The following CSF3R variants were observed in gnomAD, a reference collection of about 807,000 sequenced individuals.
CSF3R encodes colony stimulating factor 3 receptor.
In CSF3R, 52 loss-of-function variants were observed where a neutral mutation model predicts 84.4. That is an observed-to-expected ratio of 0.62 (90% confidence interval 0.49 to 0.78). The LOEUF is 0.78. Ranked by LOEUF, CSF3R falls within the 30% of genes least tolerant of loss-of-function variation. The pLI is 0.00. For synonymous variants in CSF3R, 384 were observed against 429.1 expected (o/e 0.89, Z 1.30); for missense variants, 890 against 1,055.7 (o/e 0.84, Z 2.17).
Position 36,466,284 on chromosome 1 carries a change from A to G in CSF3R, c.*73T>C, listed in dbSNP as rs1390575972. The stretch of plus-strand genomic sequence containing the variant: ...TGGGGTAGTTTTTAGTCATGGGCTT[A>G]TGGACCCTCCCCTCTTCTCCAGCTA... On this transcript the variant is annotated 3_prime_UTR_variant, in exon 17 of 17. Transcript: ENST00000373106. The surrounding 1 kb of genome is among the most constrained non-coding windows in gnomAD (Gnocchi z 4.6). 6.2e-7 allele frequency: 1 copy of G among 1,611,750 alleles called. No individual in the cohort carries two copies. The highest frequency in any genetic ancestry group is 1.3e-5 in the African/African-American group (1 of 74,846).
chr1:36,471,984 G>C, intron 9 of CSF3R, 82 bp downstream of exon 9: 1 of 1,382,568 alleles, frequency 7.2e-7, no homozygotes, highest in Non-Finnish European at 1.0e-6. Flanking sequence ...AGACCTGTTG[G>C]AGTCCTAAGC....
chr1:36,466,086 A>G lies in CSF3R; in HGVS notation c.*271T>C. ...TAAACAACAACAAAAACTGCAAACC[A>G]AAAACTAGTTTACAATACTGAAGTT... On this transcript the variant is annotated 3_prime_UTR_variant, in exon 17 of 17. Transcript: ENST00000373106. The surrounding 1 kb of genome is among the most constrained non-coding windows in gnomAD (Gnocchi z 4.6). The G allele has an allele frequency of 1.2e-6, 2 of 1,614,108 alleles. No homozygotes were observed. Among genetic ancestry groups the G allele is most frequent in the Non-Finnish European group, 8.5e-7 (1 of 1,179,994 alleles).
intron 3 of CSF3R, 101 bp from the exon 4 acceptor site, chr1:36,475,774 T>C: frequency 8.5e-7 from 1 of 1,179,006 alleles, no homozygotes; most frequent in Non-Finnish European, 1.2e-6. Flanking sequence ...CTCACCTTCC[T>C]GTCTCACCCT....
In CSF3R at chr1:36,468,245, G is replaced by A. The variant is rs1358677856; in HGVS notation, c.1577-24C>T. 3 of 1,555,562 alleles carry A rather than the reference G, an allele frequency of 1.9e-6. No individual in the cohort carries two copies. In the African/African-American group the frequency reaches 4.1e-5, roughly 21 times the overall value. Reference sequence around the variant, plus strand: ...AGCTATGGGAAGAGAGAGGTGCGGGGGCTGAAGGGAGTGGGGCAGAGCAAG... The same window carrying A: ...AGCTATGGGAAGAGAGAGGTGCGGGAGCTGAAGGGAGTGGGGCAGAGCAAG... On this transcript the variant is annotated intron_variant, in intron 12 of 16. Transcript: ENST00000373106.
rs866282740 is a variant in CSF3R at position 36,467,989 on chromosome 1, G to A, written c.1724-27C>T. 6.2e-7 allele frequency: 1 copy of A among 1,614,226 alleles called. No individual in the cohort carries two copies. Among genetic ancestry groups the A allele is most frequent in the Non-Finnish European group, 8.5e-7 (1 of 1,180,046 alleles). On this transcript the variant is annotated intron_variant, in intron 13 of 16. Transcript: ENST00000373106. This position sits in a 1 kb window ranked among gnomAD's most constrained non-coding sequence, Gnocchi z 4.1. ...TGGGAGGGGTGTACGGTCAGCATAG[G>A]CCTGGATGGTAAAGCTGCCTCCGTG...
In CSF3R at chr1:36,473,804, CA is replaced by C; in HGVS notation, c.444del (p.Glu149ArgfsTer10). The C allele has an allele frequency of 6.2e-7, 1 of 1,614,244 alleles. No homozygotes were observed. Among genetic ancestry groups the C allele is most frequent in the Non-Finnish European group, 8.5e-7 (1 of 1,180,040 alleles). On this transcript the variant is annotated frameshift_variant, in exon 5 of 17. Transcript: ENST00000373106. LOFTEE classifies it high-confidence loss of function. Reference sequence around the variant, plus strand: ...GTGAAGCTGGTGGGTAGGTGGGTCTCAGGTCCTGGCTCCCACTGGCAGATGA... The same window carrying C: ...GTGAAGCTGGTGGGTAGGTGGGTCTCGGTCCTGGCTCCCACTGGCAGATGA... ...SSLICQWEPG[P>X]ETHLPTSFTL...
At position 36,473,931 on chromosome 1, in the gene CSF3R, C is replaced by G. The variant is rs773884363; in HGVS notation, c.362-44G>C. 3.1e-6 allele frequency: 5 copies of G among 1,612,736 alleles called. No homozygotes were observed. In the African/African-American group the frequency reaches 6.7e-5, roughly 22 times the overall value. On this transcript the variant is annotated intron_variant, in intron 4 of 16. Transcript: ENST00000373106. ...AGTGTGAGGGCTTTGGGTGGGACCA[C>G]TCAGAAAGCTTCCTCTGGGACCAGC...
In CSF3R at chr1:36,466,715, C is replaced by A. The variant is rs1292043341; in HGVS notation, c.2153G>T (p.Cys718Phe). Reference sequence around the variant, plus strand: ...GGTCTGGACCAGAGTGGGGAGGCCACAGGTCTCTGAGCTGTTATGGGACTC... The same window carrying A: ...GGTCTGGACCAGAGTGGGGAGGCCAAAGGTCTCTGAGCTGTTATGGGACTC... ...PWESHNSSETCGLPTLVQTYV... is the reference protein window; with the variant it reads ...PWESHNSSETFGLPTLVQTYV... The change falls in exon 17 of 17, where the codon TGT becomes TTT. Residue 718 changes from cysteine (C) to phenylalanine (F), a missense_variant. Physicochemically the swap from Cys to Phe is radical, Grantham distance 205. Coordinates refer to ENST00000373106, the MANE Select transcript of CSF3R (RefSeq NM_000760.4). This position sits in a 1 kb window ranked among gnomAD's most constrained non-coding sequence, Gnocchi z 4.6. 1.2e-5 allele frequency: 19 copies of A among 1,614,102 alleles called. No homozygotes were observed. The highest frequency in any genetic ancestry group is 1.5e-5 in the Non-Finnish European group (18 of 1,180,048).
chr1:36,475,522 C>A lies in CSF3R; in HGVS notation c.216G>T (p.Gly72=), dbSNP rs1456951338. The A allele has an allele frequency of 6.2e-7, 1 of 1,613,974 alleles. No homozygotes were observed. Among genetic ancestry groups the A allele is most frequent in the East Asian group, 2.2e-5 (1 of 44,874 alleles). ...CATCAGACAGACGCTGCTGCCTGCC[C>A]CCGGGCTGAAGCTCTGCTCCCAGTC... ...LWRLGAELQP[G]GRQQRLSDGT... Residue 72 remains glycine (G), a synonymous_variant, in exon 4 of 17, where the codon GGG becomes GGT. Coordinates refer to ENST00000373106, the MANE Select transcript of CSF3R (RefSeq NM_000760.4).
Position 36,466,392 on chromosome 1 carries a change from G to A in CSF3R, c.2476C>T (p.Arg826Trp), listed in dbSNP as rs770842748. 3.1e-6 allele frequency: 5 copies of A among 1,613,468 alleles called. No individual in the cohort carries two copies. In the South Asian group the frequency reaches 4.4e-5, roughly 14 times the overall value. ...CCCAGCGCCTCCATCCCATGGACCCGGATCCCCTGCAGGAGGGGGAAGTTG... is the reference window on the plus strand; with the variant it reads ...CCCAGCGCCTCCATCCCATGGACCCAGATCCCCTGCAGGAGGGGGAAGTTG... ...LLNFPLLQGI[R>W]VHGMEALGSF The change falls in exon 17 of 17, where the codon CGG (arginine) becomes TGG (tryptophan). Residue 826 changes from arginine (R) to tryptophan (W), a missense_variant. Arg to Trp is a moderately radical substitution (Grantham distance 101). Transcript: ENST00000373106. The surrounding 1 kb of genome is among the most constrained non-coding windows in gnomAD (Gnocchi z 4.6).
intron 3 of CSF3R, among the ~76,000 whole-genome samples, chr1:36,478,421 C>T (rs575460503): frequency 1.1e-4 from 17 of 151,818 alleles, no homozygotes; most frequent in African/African-American, 3.6e-4. Flanking sequence ...CCCAGCTATT[C>T]GGGAGGCTGA....
chr1:36,475,399 G>A lies in CSF3R; in HGVS notation c.339C>T (p.Asp113=). Reference sequence around the variant, plus strand: ...TACAGCCTGCGCGCAGCTCAACCTGGTCCAGGATCTGCAGGCTGTTGCCCC... The same window carrying A: ...TACAGCCTGCGCGCAGCTCAACCTGATCCAGGATCTGCAGGCTGTTGCCCC... ...LNWGNSLQIL[D]QVELRAGYPP... Residue 113 remains aspartate (D), a synonymous_variant, in exon 4 of 17, where the codon GAC becomes GAT. Transcript: ENST00000373106. The A allele has an allele frequency of 6.2e-7, 1 of 1,614,010 alleles. No homozygotes were observed. The highest frequency in any genetic ancestry group is 1.1e-5 in the South Asian group (1 of 91,068).
rs777148168 is a variant in CSF3R, at chr1:36,468,093, C to T, written c.1705G>A (p.Ala569Thr). ...LTHYTIFWTN[A>T]QNQSFSAILN... ...GACTCACAGAAGGACTGGTTCTGAG[C>T]GTTGGTCCAGAAGATGGTGTAGTGG... The change falls in exon 13 of 17, where the codon GCT (alanine) becomes ACT (threonine). Residue 569 changes from alanine (A) to threonine (T), a missense_variant. By Grantham distance (58) the Ala-to-Thr change is moderately conservative (BLOSUM62 0). Transcript: ENST00000373106. 20 of 1,614,106 alleles carry T rather than the reference C, an allele frequency of 1.2e-5. No homozygotes were observed. Among genetic ancestry groups the T allele is most frequent in the South Asian group, 8.8e-5 (8 of 91,094 alleles).
At chr1:36,468,624 C>A in intron 12 of CSF3R, 2 of 212,310 alleles carry the variant, frequency 9.4e-6, no homozygotes, top group South Asian at 1.5e-4. Flanking sequence ...GCCTCGACCT[C>A]CTGGGCTCAA....
intron 2 of CSF3R, 31 bp from the exon 3 acceptor site, chr1:36,479,547 G>T: frequency 6.5e-7 from 1 of 1,527,814 alleles, no homozygotes; most frequent in South Asian, 1.1e-5. Flanking sequence ...TAAGACCATG[G>T]GCTTTGGAGT....
intron 3 of CSF3R, among the ~76,000 whole-genome samples, chr1:36,477,845 G>A (rs181889817): frequency 1.6e-4 from 25 of 151,654 alleles, no homozygotes; most frequent in African/African-American, 5.6e-4. Context: ...TGCAAGCGCC[G>A]CCTGCTGGGC....
intron 2 of CSF3R, among the ~76,000 whole-genome samples, chr1:36,480,983 C>A (rs1339437697): frequency 6.6e-6 from 1 of 152,218 alleles, no homozygotes; most frequent in African/African-American, 2.4e-5. Context: ...CAGTGAGAAA[C>A]CTGTACAAGT....
At chr1:36,475,319 A>C in intron 4 of CSF3R, 58 bp downstream of exon 4, 3 of 1,597,918 alleles carry the variant, frequency 1.9e-6, no homozygotes, top group Non-Finnish European at 2.6e-6. Context: ...TAATATTCTT[A>C]TTAGTATTGG....
chr1:36,468,039 C>T, intron 13 of CSF3R, 36 bp downstream of exon 13: 1 of 1,614,252 alleles, frequency 6.2e-7, no homozygotes, highest in Middle Eastern at 1.6e-4. Context: ...CCTTCCAGGC[C>T]TTCTGGGGCT....
Sources: allele counts gnomAD v4.1 joint callset (sites outside exome capture counted in the v4.1 genomes callset), GRCh38; gene constraint gnomAD v4.1.1; non-coding constraint Gnocchi (gnomAD v3.1); transcripts MANE v1.5; gene names NCBI Gene and HGNC (gene_info 2026-07-23, HGNC 2026-07-21).